FREM2: variants seen among roughly 807,000 people sequenced by gnomAD.
FREM2 encodes the protein FRAS1-related extracellular matrix protein 2.
A neutral mutation model predicts 219.9 loss-of-function variants in FREM2; 119 were observed. That is an observed-to-expected ratio of 0.54 (90% CI 0.47 to 0.63). The LOEUF (loss-of-function observed/expected upper bound fraction) is 0.63. FREM2 is among the 30% of genes least tolerant of loss of function. The pLI, the probability that FREM2 is intolerant of heterozygous loss-of-function variation, is 0.00. For synonymous variants in FREM2, 1,562 were observed against 1,522.8 expected, an observed-to-expected ratio of 1.03 and a Z score of -0.60; for missense variants, 4,030 against 3,993.6, an observed-to-expected ratio of 1.01 and a Z score of -0.25.
At chr13:38,699,168 T>C (rs1870242008) in intron 2 of FREM2, among the ~76,000 whole-genome samples, 1 of 152,194 alleles carries the variant, frequency 6.6e-6, no homozygotes, top group South Asian at 2.1e-4. Context: ...TAAAACACCA[T>C]GTTTATCTCT....
chr13:38,772,825 T>C (rs1258590225), intron 4 of FREM2, among the ~76,000 whole-genome samples: 1 of 151,950 alleles, frequency 6.6e-6, no homozygotes, highest in East Asian at 1.9e-4. Context: ...TCCTCCTGAG[T>C]AGCCTGGATT....
chr13:38,771,685 C>T (rs1481390784), intron 4 of FREM2, among the ~76,000 whole-genome samples: 1 of 152,056 alleles, frequency 6.6e-6, no homozygotes, highest in Non-Finnish European at 1.5e-5. Context: ...AGATAAAATT[C>T]AGCCCTGTTT....
intron 2 of FREM2, among the ~76,000 whole-genome samples, chr13:38,708,134 G>A (rs1289607285): frequency 6.6e-6 from 1 of 152,164 alleles, no homozygotes; most frequent in East Asian, 1.9e-4. Flanking sequence ...ATTCATGTTA[G>A]CCATTGACCC....
intron 12 of FREM2, among the ~76,000 whole-genome samples, chr13:38,856,543 A>T (rs1366523681): frequency 6.6e-6 from 1 of 152,088 alleles, no homozygotes; most frequent in African/African-American, 2.4e-5. Context: ...GTCAGTAATG[A>T]TTCATTGACC....
intron 2 of FREM2, among the ~76,000 whole-genome samples, chr13:38,741,140 T>C (rs1181225684): frequency 1.3e-5 from 2 of 152,194 alleles, no homozygotes; most frequent in Non-Finnish European, 2.9e-5. Context: ...GACAGAGTAA[T>C]TGGCAGAGTT....
chr13:38,857,797 G>A (rs111643452), intron 12 of FREM2, 78 bp from the exon 13 acceptor site: 21 of 1,265,516 alleles, frequency 1.7e-5, no homozygotes, highest in African/African-American at 7.3e-5. Flanking sequence ...GCCAGGGATC[G>A]TGAGTATTGT....
At chr13:38,791,527 C>G (rs1018416698) in intron 6 of FREM2, among the ~76,000 whole-genome samples, 2 of 152,078 alleles carry the variant, frequency 1.3e-5, no homozygotes, top group Admixed American at 1.3e-4. Flanking sequence ...TCCACATGCC[C>G]GGGAAGGCCT....
chr13:38,715,088 G>C (rs1204205096), intron 2 of FREM2, among the ~76,000 whole-genome samples: 1 of 152,068 alleles, frequency 6.6e-6, no homozygotes, highest in Non-Finnish European at 1.5e-5. Flanking sequence ...GTGAGACTCT[G>C]TCCCAAGAAA....
chr13:38,811,559 A>G (rs1316569828), intron 6 of FREM2, among the ~76,000 whole-genome samples: 2 of 152,008 alleles, frequency 1.3e-5, no homozygotes, highest in African/African-American at 2.4e-5. Context: ...GCATTGGCCC[A>G]CTGGTCATTC....
intron 2 of FREM2, among the ~76,000 whole-genome samples, chr13:38,722,812 T>C (rs1871344382): frequency 6.6e-6 from 1 of 151,280 alleles, no homozygotes; most frequent in Non-Finnish European, 1.5e-5. Context: ...TGGCCCAGAG[T>C]TAATATCAAA....
chr13:38,776,444 A>C (rs922151677), intron 4 of FREM2, among the ~76,000 whole-genome samples: 3 of 152,212 alleles, frequency 2.0e-5, no homozygotes, highest in African/African-American at 7.2e-5. Flanking sequence ...TAAAATGTAC[A>C]TTCTCTTTCA....
intron 6 of FREM2, among the ~76,000 whole-genome samples, chr13:38,790,824 C>T (rs1000560957): frequency 3.9e-5 from 6 of 152,142 alleles, no homozygotes; most frequent in South Asian, 2.1e-4. Flanking sequence ...AATTATTATG[C>T]AAATCCCGTT....
Position 38,769,685 on chromosome 13 carries a change from C to A in FREM2, c.5518C>A (p.Arg1840=), listed in dbSNP as rs9603422. The change falls in exon 4 of 24, where the codon CGG becomes AGG. Residue 1840 remains arginine, a synonymous_variant. Coordinates refer to ENST00000280481, the MANE Select transcript of FREM2 (RefSeq NM_207361.6). ...PGQTRATWRV[R]ILSDGEHEQS... is the part of the protein sequence containing the mutation. ...CCAGACCAGGGCCACATGGCGAGTG[C>A]GGATCCTGAGTGATGGGGAGCATGA... is the stretch of plus-strand genomic sequence containing the variant. The A allele has an allele frequency of 2.5e-6, 4 of 1,613,906 alleles. No individual in the cohort carries two copies. Among genetic ancestry groups the A allele is most frequent in the East Asian group, 2.2e-5 (1 of 44,844 alleles).
rs117758105 is a variant in FREM2, at chr13:38,689,447, G to A, written c.2103G>A (p.Pro701=). 52 of 1,613,944 alleles carry A rather than the reference G, an allele frequency of 3.2e-5. No homozygotes were observed. In the East Asian group the frequency reaches 4.5e-4, roughly 14 times the overall value. The stretch of plus-strand genomic sequence containing the variant: ...TCCATCCTGTGGATCGCCTCCCTCC[G>A]GAGCTGGGCAGTGGCTGTCCCCTTC... ...IRIHPVDRLP[P]ELGSGCPLRM... is the part of the protein sequence containing the mutation. Residue 701 remains proline (P), a synonymous_variant, in exon 1 of 24, where the codon CCG becomes CCA. Coordinates refer to ENST00000280481, the MANE Select transcript of FREM2 (RefSeq NM_207361.6).
At chr13:38,754,499 A>G (rs892077313) in intron 2 of FREM2, among the ~76,000 whole-genome samples, 1 of 152,220 alleles carries the variant, frequency 6.6e-6, no homozygotes, top group African/African-American at 2.4e-5. Flanking sequence ...CTGCACTTGA[A>G]TGCTACATCT....
chr13:38,822,531 C>A (rs759914604), intron 6 of FREM2, among the ~76,000 whole-genome samples: 22 of 151,878 alleles, frequency 1.4e-4, no homozygotes, highest in Non-Finnish European at 2.4e-4. Flanking sequence ...TGCTTTATGC[C>A]TGTGGGTCTA....
At chr13:38,710,364 C>G (rs1870721547) in intron 2 of FREM2, among the ~76,000 whole-genome samples, 1 of 152,056 alleles carries the variant, frequency 6.6e-6, no homozygotes, top group Non-Finnish European at 1.5e-5. Context: ...AAAAATTATT[C>G]ACTGGAATGC....
In FREM2 at chr13:38,856,108, G is replaced by A; in HGVS notation, c.6926-18G>A. 1.3e-6 allele frequency: 2 copies of A among 1,539,684 alleles called. No individual in the cohort carries two copies. Among genetic ancestry groups the A allele is most frequent in the Non-Finnish European group, 1.8e-6 (2 of 1,117,064 alleles). On this transcript the variant is annotated intron_variant, in intron 11 of 23. Transcript: ENST00000280481. ...ATTCATATGCAAATGATTTAAATCT[G>A]TGATGTTACATTTGTAGAAATTGAG... is the stretch of plus-strand genomic sequence containing the variant.
At chr13:38,824,883 G>T (rs1295102864) in intron 6 of FREM2, among the ~76,000 whole-genome samples, 1 of 151,830 alleles carries the variant, frequency 6.6e-6, no homozygotes, top group East Asian at 1.9e-4. Flanking sequence ...TGAGTTTTGG[G>T]GAAGGACGGT....
Sources: allele counts gnomAD v4.1 joint callset (sites outside exome capture counted in the v4.1 genomes callset), GRCh38; gene constraint gnomAD v4.1.1; transcripts MANE v1.5; gene names NCBI Gene and HGNC (gene_info 2026-07-23, HGNC 2026-07-21).